Variants in TP53BP2 observed in about 807,000 individuals in gnomAD.
The protein encoded by TP53BP2 is tumor protein p53 binding protein 2.
A neutral mutation model predicts 126.2 loss-of-function variants in TP53BP2; 62 were observed. The observed-to-expected ratio is 0.49, with a 90% CI of 0.40 to 0.61. The LOEUF (loss-of-function observed/expected upper bound fraction) is 0.61, where lower values mean the gene tolerates loss of function less well. Among genes scored for constraint, TP53BP2 ranks in the 20% least tolerant of loss-of-function variants. The pLI is 0.00. For synonymous variants in TP53BP2, 485 were observed against 502.9 expected (o/e 0.96, Z 0.48); for missense variants, 1,215 against 1,402.8 (o/e 0.87, Z 2.14).
In TP53BP2 at chr1:223,796,241, C is replaced by T. The variant is rs200527577; in HGVS notation, c.2298G>A (p.Ala766=). The change falls in exon 13 of 18, where the codon GCG becomes GCA. Residue 766 remains alanine, a synonymous_variant. Transcript: ENST00000343537. This position sits in a 1 kb window ranked among gnomAD's most constrained non-coding sequence, Gnocchi z 4.2. The part of the protein sequence containing the change: ...QKLLYQRTTI[A]AMETISVPSY... ...ATGGGACAGAGATGGTCTCCATGGC[C>T]GCTATGGTGGTCCTCTGATATAAAA... 22 of 1,614,016 alleles carry T rather than the reference C, an allele frequency of 1.4e-5. No homozygotes were observed. In the East Asian group the frequency reaches 1.8e-4, roughly 13 times the overall value.
At chr1:223,815,579 A>G (rs976074043) in intron 2 of TP53BP2, among the ~76,000 whole-genome samples, 7 of 152,210 alleles carry the variant, frequency 4.6e-5, no homozygotes, top group African/African-American at 1.7e-4. Context: ...ACTGCCCCAG[A>G]AAGATATGGA....
chr1:223,833,514 TG>T (rs1174267039), intron 1 of TP53BP2, among the ~76,000 whole-genome samples: 1 of 152,138 alleles, frequency 6.6e-6, no homozygotes, highest in Non-Finnish European at 1.5e-5. Flanking sequence ...GTCAACATTC[TG>T]GAAAAAAATG....
At chr1:223,786,170 T>C (rs1026696122) in intron 16 of TP53BP2, among the ~76,000 whole-genome samples, 1 of 152,144 alleles carries the variant, frequency 6.6e-6, no homozygotes, top group Admixed American at 6.5e-5. Flanking sequence ...TGATTTTATA[T>C]AAAGGGCAAA....
At chr1:223,814,054 T>G (rs1663002211) in intron 3 of TP53BP2, 186 bp downstream of exon 3, 1 of 552,238 alleles carries the variant, frequency 1.8e-6, no homozygotes, top group Non-Finnish European at 3.2e-6. Context: ...CTCTAATGAC[T>G]CCTTCCCACC....
intron 5 of TP53BP2, among the ~76,000 whole-genome samples, chr1:223,804,671 T>A (rs914908372): frequency 6.6e-6 from 1 of 152,208 alleles, no homozygotes; most frequent in Non-Finnish European, 1.5e-5. Flanking sequence ...AAGCAGCTCA[T>A]GTAGAAATGG....
intron 2 of TP53BP2, among the ~76,000 whole-genome samples, chr1:223,817,123 C>G (rs984666909): frequency 2.7e-5 from 4 of 150,706 alleles, no homozygotes; most frequent in African/African-American, 9.8e-5. Context: ...CTGAATCACA[C>G]TGCACTCCAG....
At chr1:223,788,870 G>A in intron 16 of TP53BP2, 138 bp downstream of exon 16, 1 of 786,040 alleles carries the variant, frequency 1.3e-6, no homozygotes, top group African/African-American at 1.7e-5. Context: ...CTGTGACCAA[G>A]GCTGTTGTAT....
chr1:223,842,737 TATCTA>T (rs1664144276), intron 1 of TP53BP2, among the ~76,000 whole-genome samples: 1 of 152,216 alleles, frequency 6.6e-6, no homozygotes, highest in South Asian at 2.1e-4. Flanking sequence ...GAATAAAAGA[TATCTA>T]ATGTAATTTT....
intron 8 of TP53BP2, 115 bp from the exon 9 acceptor site, chr1:223,802,459 CAT>C (rs768759249): frequency 2.8e-6 from 3 of 1,087,970 alleles, no homozygotes; most frequent in Non-Finnish European, 2.6e-6. Flanking sequence ...AGAATCTAGC[CAT>C]AGAGTCTACA....
At position 223,780,303 on chromosome 1, in the gene TP53BP2, A is replaced by G. The variant is rs565679523; in HGVS notation, c.*550T>C. 1 of 152,422 alleles carries G rather than the reference A, an allele frequency of 6.6e-6. No homozygotes were observed. The highest frequency in any genetic ancestry group is 2.1e-4 in the South Asian group (1 of 4,814). The allele number at this position is 152,422 out of a possible 1,614,324, so 9.4% of individuals were successfully genotyped here. A position where few individuals can be genotyped will look rare whatever the true frequency, so the allele number is the denominator to read the frequency against. Reference sequence around the variant, plus strand: ...TATGTATAATTCTTAAGATGCTACAAAAACTCATATAATAAAGTTATTGTT... The same window carrying G: ...TATGTATAATTCTTAAGATGCTACAGAAACTCATATAATAAAGTTATTGTT... On this transcript the variant is annotated 3_prime_UTR_variant, in exon 18 of 18. Transcript: ENST00000343537.
At chr1:223,831,920 TAA>T (rs1663746895) in intron 1 of TP53BP2, among the ~76,000 whole-genome samples, 2 of 152,154 alleles carry the variant, frequency 1.3e-5, no homozygotes, top group Non-Finnish European at 2.9e-5. Flanking sequence ...AGATTTATTT[TAA>T]GAGTCCTGTG....
At chr1:223,831,228 T>TAA (rs34353727) in intron 1 of TP53BP2, among the ~76,000 whole-genome samples, 3 of 133,114 alleles carry the variant, frequency 2.3e-5, no homozygotes, top group Non-Finnish European at 3.2e-5. Context: ...CCATTTATAT[T>TAA]AAAAAAAAAA....
intron 1 of TP53BP2, among the ~76,000 whole-genome samples, chr1:223,838,384 T>C (rs1216222999): frequency 6.6e-6 from 1 of 152,214 alleles, no homozygotes; most frequent in African/African-American, 2.4e-5. Flanking sequence ...TTAATGTGAT[T>C]TCATTCAAAA....
At chr1:223,789,590 G>A (rs937865205) in intron 15 of TP53BP2, among the ~76,000 whole-genome samples, 1 of 152,082 alleles carries the variant, frequency 6.6e-6, no homozygotes, top group Non-Finnish European at 1.5e-5. Flanking sequence ...CAAAACACTG[G>A]CCTTTAAATA....
At chr1:223,781,954 C>T (rs1327311100) in intron 17 of TP53BP2, among the ~76,000 whole-genome samples, 4 of 152,146 alleles carry the variant, frequency 2.6e-5, no homozygotes, top group Non-Finnish European at 4.4e-5. Context: ...CTTCTAAGCG[C>T]CACACACACG....
chr1:223,818,893 TAA>T (rs1663192891), intron 2 of TP53BP2, among the ~76,000 whole-genome samples: 1 of 151,108 alleles, frequency 6.6e-6, no homozygotes, highest in Non-Finnish European at 1.5e-5. Context: ...ATTTTTTAAT[TAA>T]AAAGTTGTGC....
In TP53BP2 at chr1:223,821,270, T is replaced by C. The variant is rs200140190; in HGVS notation, c.125A>G (p.Lys42Arg). Residue 42 changes from lysine to arginine, a missense_variant, in exon 2 of 18, where the codon AAA becomes AGA. By Grantham distance (26) the Lys-to-Arg change is conservative. Around this residue, in one of 4 missense-constraint regions of TP53BP2, gnomAD observed 814 missense variants for 853.0 expected, o/e 0.95. Coordinates refer to ENST00000343537, the MANE Select transcript of TP53BP2 (RefSeq NM_001031685.3). ...TICRDVVDLC[K>R]EPGESDCHLA... The stretch of plus-strand genomic sequence containing the variant: ...ATGGCAATCACTCTCGCCGGGTTCT[T>C]TGCACAGATCCACCACGTCTCTGCA... 39 of 1,613,898 alleles carry C rather than the reference T, an allele frequency of 2.4e-5. No individual in the cohort carries two copies. The highest frequency in any genetic ancestry group is 1.9e-5 in the Non-Finnish European group (23 of 1,179,892).
intron 15 of TP53BP2, among the ~76,000 whole-genome samples, chr1:223,790,430 C>T (rs1361290135): frequency 4.0e-5 from 6 of 151,788 alleles, no homozygotes; most frequent in Non-Finnish European, 7.4e-5. Context: ...TGGTGGCACA[C>T]ATCTGTGGTC....
In TP53BP2 at chr1:223,845,917, C is replaced by T. The variant is rs1005483118; in HGVS notation, c.-237G>A. On this transcript the variant is annotated 5_prime_UTR_variant, in exon 1 of 18. Coordinates refer to ENST00000343537, the MANE Select transcript of TP53BP2 (RefSeq NM_001031685.3). The stretch of plus-strand genomic sequence containing the variant: ...GGCTTTGTCTCTTCGACGCTCGTGA[C>T]GGTCGGGGCTCCCTCCTCCGCTCCG... 1.3e-4 allele frequency: 35 copies of T among 265,110 alleles called. 1 individual carries two copies. In the Admixed American group the frequency reaches 1.5e-3, roughly 12 times the overall value. The allele number at this position is 265,110 out of a possible 1,614,324, so 16.4% of individuals were successfully genotyped here. A position where few individuals can be genotyped will look rare whatever the true frequency, so the allele number is the denominator to read the frequency against.
Sources: allele counts gnomAD v4.1 joint callset (sites outside exome capture counted in the v4.1 genomes callset), GRCh38; gene constraint gnomAD v4.1.1; regional missense constraint gnomAD v4.1.1; non-coding constraint Gnocchi (gnomAD v3.1); transcripts MANE v1.5; gene names NCBI Gene and HGNC (gene_info 2026-07-23, HGNC 2026-07-21).